The following TMEM132D variants were observed in gnomAD, a reference collection of about 807,000 sequenced individuals.
TMEM132D encodes the protein mature OL transmembrane protein.
In TMEM132D, 21 loss-of-function variants were observed where a neutral mutation model predicts 62.3. The ratio of observed to expected loss-of-function variants is 0.34; its 90% CI spans 0.24 to 0.49. The LOEUF (loss-of-function observed/expected upper bound fraction) is 0.49, where lower values mean the gene tolerates loss of function less well. TMEM132D is among the 20% of genes least tolerant of loss of function. The pLI is 0.99. For synonymous variants in TMEM132D, 621 were observed against 575.6 expected (o/e 1.08, Z -1.13); for missense variants, 1,346 against 1,402.8 (o/e 0.96, Z 0.65).
intron 5 of TMEM132D, among the ~76,000 whole-genome samples, chr12:129,148,618 A>G (rs536824504): frequency 6.6e-6 from 1 of 152,278 alleles, no homozygotes; most frequent in East Asian, 1.9e-4. Context: ...CCATGTTTGG[A>G]CTTCTGACTT....
chr12:129,431,315 C>G (rs1337708386), intron 3 of TMEM132D, among the ~76,000 whole-genome samples: 5 of 152,148 alleles, frequency 3.3e-5, no homozygotes, highest in African/African-American at 9.7e-5. Context: ...TTTCCCAAAT[C>G]GTTCTCCCTC....
At chr12:129,165,303 C>T (rs140337122) in intron 5 of TMEM132D, among the ~76,000 whole-genome samples, 1 of 152,260 alleles carries the variant, frequency 6.6e-6, no homozygotes, top group East Asian at 1.9e-4. Context: ...AAGGTGTACA[C>T]GTGTCTCAAA....
chr12:129,731,816 C>A (rs961107393), intron 1 of TMEM132D, among the ~76,000 whole-genome samples: 6 of 152,198 alleles, frequency 3.9e-5, no homozygotes, highest in African/African-American at 1.4e-4. Flanking sequence ...GCGCCCGCCA[C>A]CACGCCCGGC....
At chr12:129,077,718 C>T (rs535341623) in intron 8 of TMEM132D, among the ~76,000 whole-genome samples, 1,531 of 151,542 alleles carry the variant, frequency 0.01, 23 homozygotes, top group African/African-American at 0.035. Flanking sequence ...CACATACAAA[C>T]AACAAATAGA....
chr12:129,752,233 A>T (rs1261313235), intron 1 of TMEM132D, among the ~76,000 whole-genome samples: 1 of 152,114 alleles, frequency 6.6e-6, no homozygotes, highest in African/African-American at 2.4e-5. Context: ...TCACACACAC[A>T]TGCGCACACA....
chr12:129,859,334 G>GT (rs1288512826), intron 1 of TMEM132D, among the ~76,000 whole-genome samples: 2 of 152,156 alleles, frequency 1.3e-5, no homozygotes, highest in African/African-American at 2.4e-5. Flanking sequence ...GCCATTAAAC[G>GT]TAATAGCAAA....
chr12:129,349,333 C>G (rs1354442129), intron 3 of TMEM132D, among the ~76,000 whole-genome samples: 1 of 152,090 alleles, frequency 6.6e-6, no homozygotes, highest in Non-Finnish European at 1.5e-5. Context: ...AAGTTTACTC[C>G]AATCATCCAT....
intron 1 of TMEM132D, among the ~76,000 whole-genome samples, chr12:129,898,881 A>C (rs1875238114): frequency 6.6e-6 from 1 of 152,220 alleles, no homozygotes; most frequent in Admixed American, 6.5e-5. Context: ...AGAGGGAACA[A>C]AGGAAGAGGG....
At chr12:129,592,056 A>G (rs1878203577) in intron 2 of TMEM132D, among the ~76,000 whole-genome samples, 1 of 152,234 alleles carries the variant, frequency 6.6e-6, no homozygotes, top group African/African-American at 2.4e-5. Context: ...TTTCTAAACC[A>G]CAATAATCTG....
chr12:129,845,998 A>G (rs938511498), intron 1 of TMEM132D, among the ~76,000 whole-genome samples: 38 of 152,344 alleles, frequency 2.5e-4, no homozygotes, highest in African/African-American at 9.1e-4. Context: ...GGTCGTTGCC[A>G]TGGAAAGGGG....
At chr12:129,482,894 C>T (rs1294513778) in intron 3 of TMEM132D, among the ~76,000 whole-genome samples, 1 of 151,598 alleles carries the variant, frequency 6.6e-6, no homozygotes, top group Non-Finnish European at 1.5e-5. Flanking sequence ...TCCTAGCGTG[C>T]TCCTTTGAAA....
At chr12:129,577,877 T>G (rs269155) in intron 2 of TMEM132D, among the ~76,000 whole-genome samples, 1,906 of 152,282 alleles carry the variant, frequency 0.013, 51 homozygotes, top group African/African-American at 0.044. Flanking sequence ...GATACTCAGA[T>G]AGCTGATAAA....
chr12:129,675,857 T>C (rs1880615518), intron 2 of TMEM132D, among the ~76,000 whole-genome samples: 3 of 152,174 alleles, frequency 2.0e-5, no homozygotes, highest in Non-Finnish European at 2.9e-5. Context: ...TGGGATGGAC[T>C]TGCAGGGAAA....
At chr12:129,459,933 G>A (rs949907796) in intron 3 of TMEM132D, among the ~76,000 whole-genome samples, 17 of 152,166 alleles carry the variant, frequency 1.1e-4, no homozygotes, top group African/African-American at 3.9e-4. Flanking sequence ...ATAGAACTGG[G>A]TGTCAAAATT....
intron 3 of TMEM132D, among the ~76,000 whole-genome samples, chr12:129,513,940 C>A (rs1024396784): frequency 8.6e-5 from 13 of 151,524 alleles, no homozygotes; most frequent in Admixed American, 7.9e-4. Flanking sequence ...CGGGTTTGTG[C>A]CATTCTCCTG....
intron 1 of TMEM132D, among the ~76,000 whole-genome samples, chr12:129,711,217 C>G (rs1881634875): frequency 6.6e-6 from 1 of 152,228 alleles, no homozygotes; most frequent in East Asian, 1.9e-4. Flanking sequence ...TCAGAAAATG[C>G]AACTTCCGTT....
At chr12:129,844,358 C>T (rs79846195) in intron 1 of TMEM132D, among the ~76,000 whole-genome samples, 4,921 of 152,238 alleles carry the variant, frequency 0.032, 141 homozygotes, top group South Asian at 0.11. Context: ...GTCACTCTGC[C>T]AGGTGGGCAT....
chr12:129,879,848 C>T (rs941258939), intron 1 of TMEM132D, among the ~76,000 whole-genome samples: 22 of 151,822 alleles, frequency 1.4e-4, no homozygotes, highest in East Asian at 9.7e-4. Flanking sequence ...AGAAAACAAA[C>T]GGAACAGAGC....
chr12:129,128,168 C>T (rs555005380), intron 5 of TMEM132D, among the ~76,000 whole-genome samples: 1 of 152,192 alleles, frequency 6.6e-6, no homozygotes, highest in Non-Finnish European at 1.5e-5. Context: ...GTAGGGGAGA[C>T]AAGAGCTAGT....
Sources: gnomAD v4.1 joint callset for allele counts (sites outside exome capture counted in the v4.1 genomes callset) on GRCh38, gnomAD v4.1.1 for gene constraint, MANE v1.5 for transcripts, NCBI Gene and HGNC (gene_info 2026-07-23, HGNC 2026-07-21) for gene names.